The following RCOR1 variants were observed in gnomAD, a reference collection of about 807,000 sequenced individuals.
RCOR1 encodes the protein REST corepressor.
Under a neutral mutation model 64.0 loss-of-function variants are expected in RCOR1, and 12 were observed. That is an observed-to-expected ratio of 0.19 (90% CI 0.12 to 0.30). The LOEUF is 0.30. Among genes scored for constraint, RCOR1 ranks in the 10% least tolerant of loss-of-function variants. RCOR1 has a pLI of 1.00. For missense variants in RCOR1, 502 were observed against 621.2 expected, an observed-to-expected ratio of 0.81 and a Z score of 2.04; for synonymous variants, 279 against 227.2, an observed-to-expected ratio of 1.23 and a Z score of -2.05.
chr14:102,686,836 A>T (rs1452905113), intron 3 of RCOR1, among the ~76,000 whole-genome samples: 1 of 151,468 alleles, frequency 6.6e-6, no homozygotes, highest in East Asian at 1.9e-4. Flanking sequence ...CATGCTAGGA[A>T]CCCCTCTCCC....
intron 2 of RCOR1, chr14:102,655,570 GTGTC>G: frequency 1.2e-6 from 1 of 822,418 alleles, no homozygotes; most frequent in Non-Finnish European, 1.5e-6. Context: ...ATTTGTGAAA[GTGTC>G]TGGCACATAA....
intron 2 of RCOR1, among the ~76,000 whole-genome samples, chr14:102,668,145 T>A (rs1421024520): frequency 6.6e-6 from 1 of 152,196 alleles, no homozygotes; most frequent in Non-Finnish European, 1.5e-5. Context: ...CTCTTATTCA[T>A]GTGGCTGTTT....
At chr14:102,722,548 T>C (rs1896186180) in intron 11 of RCOR1, 132 bp downstream of exon 11, 1 of 673,514 alleles carries the variant, frequency 1.5e-6, no homozygotes, top group Non-Finnish European at 2.6e-6. Context: ...CTCTTACCTG[T>C]AAATAGCCGG....
chr14:102,726,242 G>A (rs1019223712), intron 11 of RCOR1, among the ~76,000 whole-genome samples: 15 of 151,612 alleles, frequency 9.9e-5, no homozygotes, highest in South Asian at 4.2e-4. Flanking sequence ...CAGAGGAATC[G>A]CTTGACCCAG....
At chr14:102,632,485 G>C (rs1175617028) in intron 2 of RCOR1, among the ~76,000 whole-genome samples, 1 of 151,944 alleles carries the variant, frequency 6.6e-6, no homozygotes, top group South Asian at 2.1e-4. Context: ...GATTACAAGC[G>C]CGAGCCACCG....
intron 2 of RCOR1, among the ~76,000 whole-genome samples, chr14:102,632,209 G>A (rs996560344): frequency 3.1e-4 from 39 of 124,876 alleles, no homozygotes; most frequent in African/African-American, 1.1e-3. Flanking sequence ...AAATAATTTC[G>A]TTTGTTGGGT....
intron 2 of RCOR1, among the ~76,000 whole-genome samples, chr14:102,606,065 ACAGGTGCGCGCCACC>A (rs559158247): frequency 2.2e-4 from 33 of 152,134 alleles, no homozygotes; most frequent in Admixed American, 5.2e-4. Flanking sequence ...AGCTGGGATT[ACAGGTGCGCGCCACC>A]ATGCCTGGCT....
At chr14:102,724,513 G>A (rs532184388) in intron 11 of RCOR1, among the ~76,000 whole-genome samples, 17 of 152,060 alleles carry the variant, frequency 1.1e-4, no homozygotes, top group Non-Finnish European at 2.1e-4. Flanking sequence ...TGTATTTTTA[G>A]TAGAGATGGG....
Position 102,728,413 on chromosome 14 carries a change from A to G in RCOR1, c.*1907A>G, listed in dbSNP as rs1896312347. On this transcript the variant is annotated 3_prime_UTR_variant, in exon 12 of 12. Coordinates refer to ENST00000262241, the MANE Select transcript of RCOR1 (RefSeq NM_015156.4). ...TGCTGTGTACACCGAGGGCGGCAGG[A>G]GAAGCATGGGAAGGAGTCAGCCTAA... 1 of 152,234 alleles carries G rather than the reference A, an allele frequency of 6.6e-6. No homozygotes were observed. Among genetic ancestry groups the G allele is most frequent in the South Asian group, 2.1e-4 (1 of 4,820 alleles). The allele number at this position is 152,234 out of a possible 1,614,324, so 9.4% of individuals were successfully genotyped here.
chr14:102,698,885 A>G (rs939346994), intron 3 of RCOR1, among the ~76,000 whole-genome samples: 1 of 152,006 alleles, frequency 6.6e-6, no homozygotes, highest in Non-Finnish European at 1.5e-5. Flanking sequence ...TTGTGAAGGA[A>G]AAAGCAAGGG....
rs1036605770 is a variant in RCOR1 at position 102,700,423 on chromosome 14, TG to T, written c.446-854del. 7.9e-5 allele frequency among the ~76,000 whole-genome samples: 12 copies of T among 152,322 alleles called. 1 individual carries two copies. The East Asian group carries it at 2.1e-3, about 27-fold the overall frequency. On this transcript the variant is annotated intron_variant, in intron 3 of 11. Coordinates refer to ENST00000262241, the MANE Select transcript of RCOR1 (RefSeq NM_015156.4). ...TTTTAGTAGAGATGGGGTTTCGCCA[TG>T]TTGGTCAGGTTGCTCTCGAACTCCT...
intron 2 of RCOR1, among the ~76,000 whole-genome samples, chr14:102,672,509 G>A (rs1324234779): frequency 6.6e-6 from 1 of 152,122 alleles, no homozygotes; most frequent in Non-Finnish European, 1.5e-5. Context: ...ACCACGCCCG[G>A]CCTCTGGGTT....
At chr14:102,626,262 T>A (rs1467321034) in intron 2 of RCOR1, among the ~76,000 whole-genome samples, 1 of 152,232 alleles carries the variant, frequency 6.6e-6, no homozygotes, top group Non-Finnish European at 1.5e-5. Context: ...CCACAACCTG[T>A]GTTTTACTCT....
intron 2 of RCOR1, among the ~76,000 whole-genome samples, chr14:102,636,017 C>T (rs1260205564): frequency 1.3e-5 from 2 of 151,226 alleles, no homozygotes; most frequent in African/African-American, 4.9e-5. Flanking sequence ...ACTGCAACCT[C>T]CGCCTCCCAG....
chr14:102,601,352 C>T (rs1436580293), intron 2 of RCOR1, among the ~76,000 whole-genome samples: 1 of 152,224 alleles, frequency 6.6e-6, no homozygotes, highest in East Asian at 1.9e-4. Flanking sequence ...GCTTCAGGTA[C>T]AGCTAAAGCC....
At chr14:102,674,972 A>T (rs948781244) in intron 2 of RCOR1, among the ~76,000 whole-genome samples, 1 of 149,164 alleles carries the variant, frequency 6.7e-6, no homozygotes, top group Non-Finnish European at 1.5e-5. Flanking sequence ...GGAGAATGAC[A>T]TGAACCCGGG....
intron 3 of RCOR1, among the ~76,000 whole-genome samples, chr14:102,683,223 T>A (rs558206926): frequency 5.9e-5 from 9 of 152,222 alleles, no homozygotes; most frequent in African/African-American, 2.2e-4. Flanking sequence ...CTTTAAACTT[T>A]AAAAAAACTA....
chr14:102,642,796 C>T (rs1894395961), intron 2 of RCOR1, among the ~76,000 whole-genome samples: 1 of 152,158 alleles, frequency 6.6e-6, no homozygotes, highest in Non-Finnish European at 1.5e-5. Flanking sequence ...TGATCATTGC[C>T]ACTGCACTCC....
chr14:102,651,591 G>A (rs1894591919), intron 2 of RCOR1, among the ~76,000 whole-genome samples: 1 of 151,680 alleles, frequency 6.6e-6, no homozygotes, highest in African/African-American at 2.4e-5. Flanking sequence ...TTTGAAAATA[G>A]CTTGAGAGAC....
Sources: gnomAD v4.1 joint callset for allele counts (sites outside exome capture counted in the v4.1 genomes callset) on GRCh38, gnomAD v4.1.1 for gene constraint, MANE v1.5 for transcripts, NCBI Gene and HGNC (gene_info 2026-07-23, HGNC 2026-07-21) for gene names.